RSU1: variants seen among roughly 807,000 people sequenced by gnomAD.
The protein encoded by RSU1 is rsu-1.
A neutral mutation model predicts 31.1 loss-of-function variants in RSU1; 26 were observed. The ratio of observed to expected loss-of-function variants is 0.84; its 90% CI spans 0.61 to 1.16. The LOEUF (loss-of-function observed/expected upper bound fraction) is 1.16, where lower values mean the gene tolerates loss of function less well. Among genes scored for constraint, RSU1 ranks in the 50% most tolerant of loss-of-function variants. RSU1 has a pLI of 0.00. For synonymous variants in RSU1, 164 were observed against 136.3 expected, an observed-to-expected ratio of 1.20 and a Z score of -1.41; for missense variants, 320 against 339.1, an observed-to-expected ratio of 0.94 and a Z score of 0.44.
chr10:16,802,144 G>A (rs1357925883), intron 2 of RSU1, among the ~76,000 whole-genome samples: 1 of 150,582 alleles, frequency 6.6e-6, no homozygotes. Context: ...ACAAAAGCTG[G>A]TTTTTGGAAA....
chr10:16,732,660 T>C (rs991450254), intron 7 of RSU1, among the ~76,000 whole-genome samples: 1 of 152,184 alleles, frequency 6.6e-6, no homozygotes, highest in Non-Finnish European at 1.5e-5. Context: ...GCAGAAGCTT[T>C]TTTAGACTAT....
intron 3 of RSU1, among the ~76,000 whole-genome samples, chr10:16,775,412 G>A (rs1178772286): frequency 2.6e-5 from 4 of 152,102 alleles, no homozygotes; most frequent in African/African-American, 2.4e-5. Context: ...ATATTGTGGA[G>A]GAATTAGCAC....
chr10:16,815,740 A>G (rs1315176808), intron 2 of RSU1, among the ~76,000 whole-genome samples: 2 of 152,194 alleles, frequency 1.3e-5, no homozygotes, highest in African/African-American at 4.8e-5. Flanking sequence ...ACACACGACC[A>G]CCTTCACAGA....
intron 7 of RSU1, among the ~76,000 whole-genome samples, chr10:16,741,020 G>A (rs1487242804): frequency 6.6e-6 from 1 of 151,932 alleles, no homozygotes; most frequent in African/African-American, 2.4e-5. Flanking sequence ...TCTTGAAAAA[G>A]AATAACAAAG....
At chr10:16,648,873 C>G (rs898274765) in intron 8 of RSU1, among the ~76,000 whole-genome samples, 2 of 151,698 alleles carry the variant, frequency 1.3e-5, no homozygotes, top group African/African-American at 4.8e-5. Flanking sequence ...AACAGTTTAC[C>G]CAAGTCACAA....
chr10:16,790,278 C>A (rs1056192193), intron 2 of RSU1, among the ~76,000 whole-genome samples: 1 of 152,134 alleles, frequency 6.6e-6, no homozygotes, highest in African/African-American at 2.4e-5. Context: ...GAGGCAGCAT[C>A]GACCACACAT....
chr10:16,790,094 G>C (rs1837881074), intron 2 of RSU1, among the ~76,000 whole-genome samples: 1 of 152,124 alleles, frequency 6.6e-6, no homozygotes, highest in Non-Finnish European at 1.5e-5. Flanking sequence ...TGTGATTTAT[G>C]ATTTTTTTAT....
chr10:16,745,694 G>T (rs1203399605), intron 7 of RSU1, among the ~76,000 whole-genome samples: 1 of 152,146 alleles, frequency 6.6e-6, no homozygotes, highest in African/African-American at 2.4e-5. Context: ...GGAATTATGG[G>T]AGCTACCAGA....
intron 8 of RSU1, among the ~76,000 whole-genome samples, chr10:16,604,254 G>A (rs1393156710): frequency 2.0e-5 from 3 of 152,162 alleles, no homozygotes; most frequent in African/African-American, 7.2e-5. Flanking sequence ...AACATGAAAA[G>A]TCACCCAAAA....
chr10:16,764,993 G>A (rs184976599), intron 3 of RSU1, among the ~76,000 whole-genome samples: 7 of 151,520 alleles, frequency 4.6e-5, no homozygotes, highest in Admixed American at 4.6e-4. Flanking sequence ...AATGGGGGGG[G>A]AGAAACAGAG....
At chr10:16,649,267 C>T (rs1459045589) in intron 8 of RSU1, among the ~76,000 whole-genome samples, 1 of 152,030 alleles carries the variant, frequency 6.6e-6, no homozygotes, top group Non-Finnish European at 1.5e-5. Context: ...TGTATGAAAA[C>T]GAGGAATTAA....
At position 16,787,388 on chromosome 10, in the gene RSU1, G is replaced by A. The variant is rs118111271; in HGVS notation, c.110-5304C>T. Among the ~76,000 whole-genome samples, 435 of 151,970 alleles carry A rather than the reference G, an allele frequency of 2.9e-3. 9 individuals are homozygous for A. The East Asian group carries it at 0.061, about 21-fold the overall frequency. On this transcript the variant is annotated intron_variant, in intron 2 of 8. Coordinates refer to ENST00000345264, the MANE Select transcript of RSU1 (RefSeq NM_012425.4). ...CATGCCAGGCCACCTCCACCAGGAC[G>A]CCCTCCTCACTCTGCCTGGGCCCCG...
intron 7 of RSU1, among the ~76,000 whole-genome samples, chr10:16,722,847 T>TAC (rs1172307139): frequency 1.9e-5 from 2 of 104,820 alleles, no homozygotes; most frequent in Non-Finnish European, 4.2e-5. Context: ...TATGTATATA[T>TAC]ACACACATAT....
At chr10:16,670,664 T>G (rs750983589) in intron 8 of RSU1, among the ~76,000 whole-genome samples, 10 of 152,186 alleles carry the variant, frequency 6.6e-5, no homozygotes, top group Non-Finnish European at 1.2e-4. Flanking sequence ...ACCTCAAATT[T>G]AGTGCACATA....
At chr10:16,600,569 G>GC (rs1458033352) in intron 8 of RSU1, among the ~76,000 whole-genome samples, 3 of 132,632 alleles carry the variant, frequency 2.3e-5, no homozygotes, top group African/African-American at 3.4e-5. Context: ...TTTTTTTTTA[G>GC]GGGGGGGTGG....
At chr10:16,751,876 C>A (rs1836987123) in intron 7 of RSU1, among the ~76,000 whole-genome samples, 1 of 152,132 alleles carries the variant, frequency 6.6e-6, no homozygotes, top group Non-Finnish European at 1.5e-5. Flanking sequence ...TGGAACGAAG[C>A]AGTAACAGAA....
intron 7 of RSU1, among the ~76,000 whole-genome samples, chr10:16,708,444 A>G (rs1200249959): frequency 1.3e-5 from 2 of 152,136 alleles, no homozygotes; most frequent in African/African-American, 2.4e-5. Flanking sequence ...AAATCTACAT[A>G]AAAGTGAGCC....
At position 16,708,636 on chromosome 10, in the gene RSU1, T is replaced by C. The variant is rs867662685; in HGVS notation, c.599-13481A>G. On this transcript the variant is annotated intron_variant, in intron 7 of 8. Transcript: ENST00000345264. The stretch of plus-strand genomic sequence containing the variant: ...GTAAAGAATGTCATTAGTATTTTGA[T>C]AGGAATTGCATCAAATCTGTAGATT... 9.2e-5 allele frequency among the ~76,000 whole-genome samples: 14 copies of C among 152,258 alleles called. No homozygotes were observed. In the South Asian group the frequency reaches 1.5e-3, roughly 16 times the overall value.
intron 7 of RSU1, among the ~76,000 whole-genome samples, chr10:16,702,471 C>T (rs1835811186): frequency 6.6e-6 from 1 of 152,208 alleles, no homozygotes; most frequent in South Asian, 2.1e-4. Flanking sequence ...AGGGAGCCAT[C>T]CAGGGCTTTG....
Sources: allele counts gnomAD v4.1 joint callset (sites outside exome capture counted in the v4.1 genomes callset), GRCh38; gene constraint gnomAD v4.1.1; transcripts MANE v1.5; gene names NCBI Gene and HGNC (gene_info 2026-07-23, HGNC 2026-07-21).